The following ITGA11 variants were observed in gnomAD, a reference collection of about 807,000 sequenced individuals.
The protein encoded by ITGA11 is integrin subunit alpha 11.
ITGA11 carries 97 observed loss-of-function variants against 141.9 expected under a neutral mutation model. The observed-to-expected ratio is 0.68, with a 90% CI of 0.58 to 0.81. ITGA11 has a LOEUF of 0.81. Among genes scored for constraint, ITGA11 ranks in the 30% least tolerant of loss-of-function variants. The pLI, the probability that ITGA11 is intolerant of heterozygous loss-of-function variation, is 0.00. For synonymous variants in ITGA11, 658 were observed against 624.6 expected, an observed-to-expected ratio of 1.05 and a Z score of -0.80; for missense variants, 1,387 against 1,559.2, an observed-to-expected ratio of 0.89 and a Z score of 1.86.
Position 68,325,108 on chromosome 15 carries a change from G to A in ITGA11, c.2322+23C>T. 6.4e-7 allele frequency: 1 copy of A among 1,570,640 alleles called. No individual in the cohort carries two copies. The highest frequency in any genetic ancestry group is 8.8e-7 in the Non-Finnish European group (1 of 1,140,322). On this transcript the variant is annotated intron_variant, in intron 18 of 29. Coordinates refer to ENST00000315757, the MANE Select transcript of ITGA11 (RefSeq NM_001004439.2). This position sits in a 1 kb window ranked among gnomAD's most constrained non-coding sequence, Gnocchi z 5.5. ...TGGGGGTGGGGTTCATGCCCGAGGT[G>A]CGTGCCCTGTACCGAGATGTACCGA...
chr15:68,340,940 C>CTGGA (rs1379045475), intron 10 of ITGA11: 1 of 152,228 alleles, frequency 6.6e-6, no homozygotes, highest in Admixed American at 6.5e-5. Flanking sequence ...GGCAGACTGT[C>CTGGA]TGGATCCCAG....
chr15:68,351,103 T>C (rs1165164560), intron 8 of ITGA11, among the ~76,000 whole-genome samples, 155 bp downstream of exon 8: 1 of 151,978 alleles, frequency 6.6e-6, no homozygotes, highest in Admixed American at 6.6e-5. Flanking sequence ...TGCAGAAAGA[T>C]CCTCAACTTG....
intron 1 of ITGA11, among the ~76,000 whole-genome samples, chr15:68,406,440 T>C (rs565531683): frequency 6.6e-6 from 1 of 152,146 alleles, no homozygotes; most frequent in African/African-American, 2.4e-5. Context: ...GCCGTGGCTG[T>C]TCCCTCTTCC....
At chr15:68,393,570 A>T (rs1376892826) in intron 2 of ITGA11, among the ~76,000 whole-genome samples, 1 of 152,228 alleles carries the variant, frequency 6.6e-6, no homozygotes, top group East Asian at 1.9e-4. Flanking sequence ...TGACATTTTA[A>T]AGTGCTAAAA....
Position 68,332,425 on chromosome 15 carries a change from G to T in ITGA11, c.1479C>A (p.Gly493=), listed in dbSNP as rs752928234. The change falls in exon 13 of 30, where the codon GGC becomes GGA. Residue 493 remains glycine, a synonymous_variant. Transcript: ENST00000315757. Reference sequence around the variant, plus strand: ...CGCCCACCAGCAGGACATCAGTCACGCCGTCGCCGTCGATGTCCACCGAGG... The same window carrying T: ...CGCCCACCAGCAGGACATCAGTCACTCCGTCGCCGTCGATGTCCACCGAGG... The part of the protein sequence containing the change: ...EITSVDIDGD[G]VTDVLLVGAP... 1 of 1,611,128 alleles carries T rather than the reference G, an allele frequency of 6.2e-7. No homozygotes were observed. The highest frequency in any genetic ancestry group is 8.5e-7 in the Non-Finnish European group (1 of 1,178,870).
intron 5 of ITGA11, among the ~76,000 whole-genome samples, chr15:68,359,581 G>C (rs776487798): frequency 1.3e-5 from 2 of 152,176 alleles, no homozygotes; most frequent in African/African-American, 4.8e-5. Flanking sequence ...AGGAGGCAGA[G>C]GTTGCAGTGA....
chr15:68,370,110 G>C (rs1034429627), intron 2 of ITGA11, among the ~76,000 whole-genome samples: 6 of 152,146 alleles, frequency 3.9e-5, no homozygotes, highest in African/African-American at 1.4e-4. Flanking sequence ...GCCTGCGGAG[G>C]GAGTGCGGAC....
chr15:68,396,797 A>T (rs1896253444), intron 2 of ITGA11, among the ~76,000 whole-genome samples: 1 of 146,282 alleles, frequency 6.8e-6, no homozygotes, highest in South Asian at 2.1e-4. Flanking sequence ...AAAATGAAAT[A>T]AGTATTTCAT....
chr15:68,384,725 T>C (rs1895943015), intron 2 of ITGA11, among the ~76,000 whole-genome samples: 1 of 152,134 alleles, frequency 6.6e-6, no homozygotes. Flanking sequence ...CCAGAATGAG[T>C]CATGATGCCG....
chr15:68,342,610 C>T (rs1894605175), intron 10 of ITGA11, among the ~76,000 whole-genome samples: 1 of 152,218 alleles, frequency 6.6e-6, no homozygotes, highest in African/African-American at 2.4e-5. Flanking sequence ...GGGTGTGTGA[C>T]CATATCTCTC....
At chr15:68,357,070 G>T in intron 7 of ITGA11, 81 bp downstream of exon 7, 2 of 1,257,068 alleles carry the variant, frequency 1.6e-6, no homozygotes, top group East Asian at 2.4e-5. Context: ...TAAATTTTGT[G>T]GTAGTGTGTT....
chr15:68,326,725 G>A lies in ITGA11; in HGVS notation c.2140C>T (p.Arg714Ter), dbSNP rs781202690. ...AGCAGTACGGCTCTGTTGGTGAATC[G>A]GTCCCCGCCCTCGTCCAGGTGGGCC... Reference protein sequence around the residue: ...PRAHLDEGGDRFTNRAVLLSS... With the variant: ...PRAHLDEGGD The change falls in exon 17 of 30, where the codon CGA (arginine) becomes TGA (stop). Residue 714 changes from arginine to a stop codon, truncating the protein, a stop_gained. Transcript: ENST00000315757. LOFTEE classifies it high-confidence loss of function. The surrounding 1 kb of genome is among the most constrained non-coding windows in gnomAD (Gnocchi z 6.8). 5.7e-6 allele frequency: 9 copies of A among 1,583,582 alleles called. No homozygotes were observed. The highest frequency in any genetic ancestry group is 2.7e-5 in the African/African-American group (2 of 74,066).
intron 7 of ITGA11, 104 bp downstream of exon 7, chr15:68,357,047 T>C: frequency 1.9e-6 from 2 of 1,042,792 alleles, no homozygotes; most frequent in Middle Eastern, 2.2e-4. Flanking sequence ...AAGAAATTAT[T>C]GTCTCAAGGT....
chr15:68,422,819 C>T lies in ITGA11; in HGVS notation c.52+9196G>A, dbSNP rs1305121117. Among the ~76,000 whole-genome samples, 9 of 152,318 alleles carry T rather than the reference C, an allele frequency of 5.9e-5. No homozygotes were observed. The East Asian group carries it at 1.7e-3, about 29-fold the overall frequency. ...CTTCTTGCATTTACAAATAATCTCT[C>T]TCCCACCTCTCAAATCCCAGAGTCC... On this transcript the variant is annotated intron_variant, in intron 1 of 29. Transcript: ENST00000315757.
chr15:68,364,978 C>T (rs561494832), intron 3 of ITGA11, among the ~76,000 whole-genome samples, 180 bp from the exon 4 acceptor site: 1 of 148,440 alleles, frequency 6.7e-6, no homozygotes, highest in Admixed American at 6.8e-5. Flanking sequence ...TCACAACTGC[C>T]TGTGAGATGA....
chr15:68,340,410 T>C (rs8030178), intron 10 of ITGA11, among the ~76,000 whole-genome samples: 30,978 of 152,034 alleles, frequency 0.2, 7,035 homozygotes, highest in African/African-American at 0.56. Context: ...CAGGAACAGT[T>C]TGTGCAAAGG....
At chr15:68,339,726 G>A in intron 10 of ITGA11, 82 bp from the exon 11 acceptor site, 14 of 1,542,492 alleles carry the variant, frequency 9.1e-6, no homozygotes, top group Non-Finnish European at 1.2e-5. Flanking sequence ...TATGACCAGT[G>A]ACGCCTCCAC....
At chr15:68,330,742 C>T (rs1441171864) in intron 15 of ITGA11, among the ~76,000 whole-genome samples, 1 of 152,098 alleles carries the variant, frequency 6.6e-6, no homozygotes, top group Non-Finnish European at 1.5e-5. Flanking sequence ...CTTGAGTAGC[C>T]ATAACTTTTA....
At chr15:68,334,983 C>T (rs562341219) in intron 12 of ITGA11, among the ~76,000 whole-genome samples, 3 of 152,086 alleles carry the variant, frequency 2.0e-5, no homozygotes, top group East Asian at 1.9e-4. Flanking sequence ...AGGTTAGACT[C>T]GGTGAGGAGC....
Sources: allele counts gnomAD v4.1 joint callset (sites outside exome capture counted in the v4.1 genomes callset), GRCh38; gene constraint gnomAD v4.1.1; non-coding constraint Gnocchi (gnomAD v3.1); transcripts MANE v1.5; gene names NCBI Gene and HGNC (gene_info 2026-07-23, HGNC 2026-07-21).